The following ATP7A variants were observed in gnomAD, a reference collection of about 807,000 sequenced individuals.
The protein encoded by ATP7A is ATPase copper transporting alpha.
A neutral mutation model predicts 83.5 loss-of-function variants in ATP7A; 7 were observed. That is an observed-to-expected ratio of 0.08 (90% CI 0.05 to 0.16). The LOEUF (loss-of-function observed/expected upper bound fraction) is 0.16. Ranked by LOEUF, ATP7A falls within the 10% of genes least tolerant of loss-of-function variation. The pLI, the probability that ATP7A is intolerant of heterozygous loss-of-function variation, is 1.00. For synonymous variants in ATP7A, 354 were observed against 395.2 expected, an observed-to-expected ratio of 0.90 and a Z score of 1.24; for missense variants, 940 against 1,120.8, an observed-to-expected ratio of 0.84 and a Z score of 2.30.
At chrX:77,962,786 A>G (rs782604744) in intron 1 of ATP7A, 4 of 389,785 alleles carry the variant, frequency 1.0e-5, no homozygotes, top group Admixed American at 1.0e-4. Context: ...CTACAGTATC[A>G]GCTCAAGTGG....
chrX:77,928,894 A>AC (rs2077257462), intron 1 of ATP7A, among the ~76,000 whole-genome samples: 2 of 111,582 alleles, frequency 1.8e-5, no homozygotes, highest in African/African-American at 6.5e-5. Context: ...ATGTTAAGGT[A>AC]CCCCTGCCCC....
chrX:77,934,798 G>A (rs185326031), intron 1 of ATP7A, among the ~76,000 whole-genome samples: 1 of 110,210 alleles, frequency 9.1e-6, no homozygotes, highest in African/African-American at 3.3e-5. Context: ...ACTGGCAGAG[G>A]GTAGCATTAG....
chrX:77,939,584 A>C (rs1436286187), intron 1 of ATP7A, among the ~76,000 whole-genome samples: 3 of 111,110 alleles, frequency 2.7e-5, no homozygotes, highest in Non-Finnish European at 5.7e-5. Flanking sequence ...TAAAATAAAC[A>C]GATATACATT....
chrX:77,962,667 C>G, intron 1 of ATP7A: 1 of 380,782 alleles, frequency 2.6e-6, no homozygotes, highest in Non-Finnish European at 5.2e-6. Flanking sequence ...GAGTTTAGGC[C>G]GGCCCGTTTT....
chrX:78,036,279 G>A (rs2078012975), intron 17 of ATP7A, among the ~76,000 whole-genome samples: 1 of 110,903 alleles, frequency 9.0e-6, no homozygotes, highest in South Asian at 3.8e-4. Context: ...TTTCATATAG[G>A]GTGATCAGGG....
At chrX:77,913,318 T>C (rs2149037652) in intron 1 of ATP7A, among the ~76,000 whole-genome samples, 1 of 111,576 alleles carries the variant, frequency 9.0e-6, no homozygotes, top group East Asian at 2.8e-4. Flanking sequence ...ATTCCTTCTA[T>C]TCATCTTTGT....
At chrX:78,027,856 T>C (rs782542481) in intron 14 of ATP7A, among the ~76,000 whole-genome samples, 1 of 108,743 alleles carries the variant, frequency 9.2e-6, no homozygotes, top group African/African-American at 3.3e-5. Context: ...CCCTATTCAA[T>C]ATATGATATT....
In ATP7A at chrX:77,947,442, A is replaced by ATT. The variant is rs35717952; in HGVS notation, c.-21-24167_-21-24166dup. ...TTTATGTTATTGTGTATTTTACCAC[A>ATT]TTTTTTTTTTTTTGAGACAGAGTCT... is the stretch of plus-strand genomic sequence containing the variant. On this transcript the variant is annotated intron_variant, in intron 1 of 22. Coordinates refer to ENST00000341514, the MANE Select transcript of ATP7A (RefSeq NM_000052.7). 3.8e-3 allele frequency among the ~76,000 whole-genome samples: 390 copies of ATT among 101,792 alleles called. 2 individuals are homozygous for ATT. The highest frequency in any genetic ancestry group is 1.0e-2 in the African/African-American group (275 of 27,540). The allele number at this position is 101,792 out of a possible 115,157, so 88.4% of individuals were successfully genotyped here.
chrX:77,965,843 A>G (rs2077502173), intron 1 of ATP7A, among the ~76,000 whole-genome samples: 2 of 112,343 alleles, frequency 1.8e-5, no homozygotes, highest in Non-Finnish European at 3.8e-5. Flanking sequence ...GTGCTGTAAC[A>G]TGGATGAACA....
Position 78,045,431 on chromosome X carries a change from A to G in ATP7A, c.4124-39A>G, listed in dbSNP as rs1407099453. ...TTAGAAACACATTAATAATCTGTTT[A>G]GTATTATCTACTCTAACTAATCCAT... is the stretch of plus-strand genomic sequence containing the variant. On this transcript the variant is annotated intron_variant, in intron 21 of 22. Transcript: ENST00000341514. The G allele has an allele frequency of 1.2e-5, 12 of 978,183 alleles. No homozygotes were observed. In the African/African-American group the frequency reaches 1.9e-4, roughly 15 times the overall value. The allele number at this position is 978,183 out of a possible 1,213,427, so 80.6% of individuals were successfully genotyped here.
intron 15 of ATP7A, among the ~76,000 whole-genome samples, chrX:78,029,717 C>T (rs782448979): frequency 3.3e-3 from 368 of 111,941 alleles, no homozygotes; most frequent in Non-Finnish European, 6.2e-3. Context: ...TCAGACTAGA[C>T]TAGTCTTTGT....
At chrX:77,931,295 A>G (rs2077272703) in intron 1 of ATP7A, among the ~76,000 whole-genome samples, 1 of 110,544 alleles carries the variant, frequency 9.0e-6, no homozygotes, top group African/African-American at 3.3e-5. Context: ...CTCTGAGTGG[A>G]CACAGCACAT....
At chrX:78,008,566 C>G (rs1323349764) in intron 6 of ATP7A, among the ~76,000 whole-genome samples, 2 of 111,042 alleles carry the variant, frequency 1.8e-5, no homozygotes, top group Non-Finnish European at 3.8e-5. Flanking sequence ...ATACAAGAAA[C>G]AATAATAAAT....
At chrX:77,978,886 C>T (rs781914006) in intron 2 of ATP7A, among the ~76,000 whole-genome samples, 1 of 111,317 alleles carries the variant, frequency 9.0e-6, no homozygotes, top group East Asian at 2.8e-4. Context: ...TACTGGAATG[C>T]GATGGTGCGA....
chrX:78,008,733 G>A (rs2077795054), intron 6 of ATP7A, among the ~76,000 whole-genome samples: 1 of 111,125 alleles, frequency 9.0e-6, no homozygotes, highest in African/African-American at 3.3e-5. Context: ...AAGATCTTGT[G>A]TGGCAAACCC....
intron 19 of ATP7A, among the ~76,000 whole-genome samples, chrX:78,041,559 G>A (rs1318348912): frequency 1.8e-5 from 2 of 110,278 alleles, no homozygotes; most frequent in South Asian, 3.9e-4. Context: ...ACACGTGTGA[G>A]CCACCGCACC....
intron 4 of ATP7A, among the ~76,000 whole-genome samples, chrX:77,996,470 AAAAATT>A (rs1421178736): frequency 7.2e-5 from 8 of 111,887 alleles, no homozygotes; most frequent in Non-Finnish European, 1.3e-4. Flanking sequence ...CAGCCTGTAG[AAAAATT>A]AAAATTAAAA....
chrX:77,960,308 G>C (rs1461506586), intron 1 of ATP7A, among the ~76,000 whole-genome samples: 4 of 112,475 alleles, frequency 3.6e-5, no homozygotes, highest in African/African-American at 1.3e-4. Flanking sequence ...CTTGAACCTG[G>C]GAGGTGGAGG....
rs915733813 is a variant in ATP7A, at chrX:78,021,211, A to G, written c.2916+132A>G. The G allele has an allele frequency of 5.6e-6, 4 of 710,118 alleles. No individual in the cohort carries two copies. The African/African-American group carries it at 8.8e-5, about 16-fold the overall frequency. 58.5% of individuals were successfully genotyped at this position (710,118 alleles called of 1,213,427 possible). On this transcript the variant is annotated intron_variant, in intron 14 of 22. Coordinates refer to ENST00000341514, the MANE Select transcript of ATP7A (RefSeq NM_000052.7). ...TTTGGAGTGGGAGAGTGATAAGAATAATATTTGCATTTTTATAAATATAAA... is the reference window on the plus strand; with the variant it reads ...TTTGGAGTGGGAGAGTGATAAGAATGATATTTGCATTTTTATAAATATAAA...
Sources: allele counts gnomAD v4.1 joint callset (sites outside exome capture counted in the v4.1 genomes callset), GRCh38; gene constraint gnomAD v4.1.1; transcripts MANE v1.5; gene names NCBI Gene and HGNC (gene_info 2026-07-23, HGNC 2026-07-21).